IKZF1: variants seen among roughly 807,000 people sequenced by gnomAD.
IKZF1 encodes the protein IKAROS family zinc finger 1, also known as DNA-binding protein Ikaros.
A neutral mutation model predicts 51.7 loss-of-function variants in IKZF1; 10 were observed. The observed-to-expected ratio is 0.19, with a 90% CI of 0.12 to 0.33. The LOEUF (loss-of-function observed/expected upper bound fraction) is 0.33, where lower values mean the gene tolerates loss of function less well. IKZF1 is among the 10% of genes least tolerant of loss of function. IKZF1 has a pLI of 1.00. For missense variants in IKZF1, 484 were observed against 707.5 expected, an observed-to-expected ratio of 0.68 and a Z score of 3.58; for synonymous variants, 280 against 282.3, an observed-to-expected ratio of 0.99 and a Z score of 0.08.
At chr7:50,364,222 A>C (rs1006458386) in intron 3 of IKZF1, among the ~76,000 whole-genome samples, 3 of 152,154 alleles carry the variant, frequency 2.0e-5, no homozygotes, top group Admixed American at 6.5e-5. Context: ...GAAGTTTATA[A>C]TTTTATGCAC....
chr7:50,401,016 G>A lies in IKZF1; in HGVS notation c.*389G>A. 1 of 339,126 alleles carries A rather than the reference G, an allele frequency of 2.9e-6. No homozygotes were observed. The highest frequency in any genetic ancestry group is 5.5e-6 in the Non-Finnish European group (1 of 183,244). 21.0% of individuals were successfully genotyped at this position (339,126 alleles called of 1,614,324 possible). A position where few individuals can be genotyped will look rare whatever the true frequency, so the allele number is the denominator to read the frequency against. On this transcript the variant is annotated 3_prime_UTR_variant, in exon 8 of 8. Transcript: ENST00000331340. ...GCGTGCTCTACCCTGTGCTAAGCAC[G>A]GGGTTCGCGCACCAGGTGTCTTTTT...
intron 3 of IKZF1, among the ~76,000 whole-genome samples, chr7:50,340,270 A>G (rs1798767710): frequency 6.6e-6 from 1 of 152,362 alleles, no homozygotes; most frequent in African/African-American, 2.4e-5. Context: ...GTTCAGCTGC[A>G]GGGATCTCAG....
intron 3 of IKZF1, among the ~76,000 whole-genome samples, chr7:50,363,510 G>A (rs2153450435): frequency 6.6e-6 from 1 of 152,254 alleles, no homozygotes; most frequent in South Asian, 2.1e-4. Context: ...GAGCTTAGAT[G>A]TGAGACTTAC....
At position 50,382,601 on chromosome 7, in the gene IKZF1, C is replaced by T. The variant is rs748984030; in HGVS notation, c.483C>T (p.Leu161=). ...CATTCACCCAGAAGGGCAACCTGCT[C>T]CGGCACATCAAGCTGCATTCCGGGG... The part of the protein sequence containing the change: ...GASFTQKGNL[L]RHIKLHSGEK... The change falls in exon 5 of 8, where the codon CTC becomes CTT. Residue 161 remains leucine, a synonymous_variant. Coordinates refer to ENST00000331340, the MANE Select transcript of IKZF1 (RefSeq NM_006060.6). 102 of 1,613,702 alleles carry T rather than the reference C, an allele frequency of 6.3e-5. 1 individual carries two copies. Among genetic ancestry groups the T allele is most frequent in the South Asian group, 5.1e-4 (46 of 91,074 alleles).
rs1810337672 is a variant in IKZF1 at position 50,376,508 on chromosome 7, T to A, written c.161-25T>A. On this transcript the variant is annotated intron_variant, in intron 3 of 7. Transcript: ENST00000331340. This position sits in a 1 kb window ranked among gnomAD's most constrained non-coding sequence, Gnocchi z 4.5. The stretch of plus-strand genomic sequence containing the variant: ...GTTTTTTTTTTGCAATGACACTGAG[T>A]GGCCTCCTGTATTGTTTCTTTCAGC... The A allele has an allele frequency of 6.2e-7, 1 of 1,607,784 alleles. No homozygotes were observed. Among genetic ancestry groups the A allele is most frequent in the Non-Finnish European group, 8.5e-7 (1 of 1,175,766 alleles).
At chr7:50,342,610 C>T (rs2153417844) in intron 3 of IKZF1, among the ~76,000 whole-genome samples, 1 of 151,386 alleles carries the variant, frequency 6.6e-6, no homozygotes, top group African/African-American at 2.4e-5. Context: ...CTTTTGCAAC[C>T]TGATAAAGCA....
At chr7:50,317,575 T>G (rs888085225) in intron 1 of IKZF1, among the ~76,000 whole-genome samples, 5 of 152,176 alleles carry the variant, frequency 3.3e-5, no homozygotes, top group African/African-American at 1.2e-4. Flanking sequence ...TCTGAAATAC[T>G]TTTTCTGTAC....
intron 1 of IKZF1, among the ~76,000 whole-genome samples, chr7:50,309,121 A>G (rs375813878): frequency 7.9e-5 from 12 of 152,340 alleles, no homozygotes; most frequent in African/African-American, 2.6e-4. Context: ...ACCTCCTGAT[A>G]GCTCGTGGCG....
At chr7:50,329,165 T>C (rs751758500) in intron 3 of IKZF1, among the ~76,000 whole-genome samples, 1 of 140,032 alleles carries the variant, frequency 7.1e-6, no homozygotes, top group Non-Finnish European at 1.6e-5. Context: ...ATAATGGTTC[T>C]TTTTTTTTTT....
intron 4 of IKZF1, among the ~76,000 whole-genome samples, chr7:50,377,839 TAGAGACCCTA>T: frequency 6.6e-6 from 1 of 152,334 alleles, no homozygotes; most frequent in East Asian, 1.9e-4. Context: ...ACGTGAAACA[TAGAGACCCTA>T]AGCTATCACT....
intron 5 of IKZF1, among the ~76,000 whole-genome samples, chr7:50,386,099 C>G (rs1188418162): frequency 6.6e-6 from 1 of 152,184 alleles, no homozygotes; most frequent in African/African-American, 2.4e-5. Context: ...GAAGATTCTG[C>G]TATTAGGTTG....
At chr7:50,324,404 C>T (rs1794288856) in intron 2 of IKZF1, among the ~76,000 whole-genome samples, 1 of 152,162 alleles carries the variant, frequency 6.6e-6, no homozygotes, top group African/African-American at 2.4e-5. Flanking sequence ...GTGAATATAT[C>T]TCACTTCACT....
Position 50,370,747 on chromosome 7 carries a change from C to T in IKZF1, c.161-5786C>T, listed in dbSNP as rs116931600. Among the ~76,000 whole-genome samples, 554 of 152,218 alleles carry T rather than the reference C, an allele frequency of 3.6e-3. 26 individuals carry two copies. The East Asian group carries it at 0.085, about 23-fold the overall frequency. On this transcript the variant is annotated intron_variant, in intron 3 of 7. Coordinates refer to ENST00000331340, the MANE Select transcript of IKZF1 (RefSeq NM_006060.6). ...ACGGTGGGCATGAGCCAGAGTGTTC[C>T]GGAGAAAGAGAGGACCAGTCTCCAT...
At position 50,376,543 on chromosome 7, in the gene IKZF1, T is replaced by C. The variant is rs2153468563; in HGVS notation, c.171T>C (p.Val57=). The change falls in exon 4 of 8, where the codon GTT becomes GTC. Residue 57 remains valine, a synonymous_variant. Coordinates refer to ENST00000331340, the MANE Select transcript of IKZF1 (RefSeq NM_006060.6). The surrounding 1 kb of genome is among the most constrained non-coding windows in gnomAD (Gnocchi z 4.5). The stretch of plus-strand genomic sequence containing the variant: ...TATTGTTTCTTTCAGCCAGTAATGT[T>C]AAAGTAGAGACTCAGAGTGATGAAG... ...SKSDRVVASN[V]KVETQSDEEN... 1 of 1,613,842 alleles carries C rather than the reference T, an allele frequency of 6.2e-7. No homozygotes were observed. Among genetic ancestry groups the C allele is most frequent in the South Asian group, 1.1e-5 (1 of 91,066 alleles).
At chr7:50,344,276 A>C (rs186662689) in intron 3 of IKZF1, among the ~76,000 whole-genome samples, 147 of 152,358 alleles carry the variant, frequency 9.6e-4, no homozygotes, top group African/African-American at 3.2e-3. Flanking sequence ...CAGAAAAGAC[A>C]CACCTTTTGC....
rs117248648 is a variant in IKZF1 at position 50,377,974 on chromosome 7, T to G, written c.421+1181T>G. Among the ~76,000 whole-genome samples the G allele has an allele frequency of 1.9e-4, 29 of 152,318 alleles. No individual in the cohort carries two copies. The East Asian group carries it at 5.4e-3, about 28-fold the overall frequency. On this transcript the variant is annotated intron_variant, in intron 4 of 7. Transcript: ENST00000331340. ...TAAAGGCCTAGCAGATTCTATAAGA[T>G]ACCTTGGGAAAATGATGACGATGAC...
At chr7:50,387,970 G>A (rs1050500087) in intron 6 of IKZF1, among the ~76,000 whole-genome samples, 3 of 152,182 alleles carry the variant, frequency 2.0e-5, no homozygotes, top group Non-Finnish European at 4.4e-5. Flanking sequence ...GTTGAAGTTT[G>A]TTGGAAGCCC....
At chr7:50,397,467 A>G (rs1370866249) in intron 7 of IKZF1, among the ~76,000 whole-genome samples, 1 of 152,226 alleles carries the variant, frequency 6.6e-6, no homozygotes, top group East Asian at 1.9e-4. Context: ...AACAGATTTC[A>G]GTGGTTGCTT....
At chr7:50,347,337 C>G (rs1800628969) in intron 3 of IKZF1, among the ~76,000 whole-genome samples, 1 of 152,188 alleles carries the variant, frequency 6.6e-6, no homozygotes, top group Admixed American at 6.5e-5. Context: ...GGTCTGATCT[C>G]TGATAAGGAT....
Sources: gnomAD v4.1 joint callset for allele counts (sites outside exome capture counted in the v4.1 genomes callset) on GRCh38, gnomAD v4.1.1 for gene constraint, Gnocchi (gnomAD v3.1) non-coding constraint, MANE v1.5 for transcripts, NCBI Gene and HGNC (gene_info 2026-07-23, HGNC 2026-07-21) for gene names.